SRD5A2: variants seen among roughly 807,000 people sequenced by gnomAD.
The protein encoded by SRD5A2 is steroid 5 alpha-reductase 2.
Under a neutral mutation model 27.4 loss-of-function variants are expected in SRD5A2, and 30 were observed. That is an observed-to-expected ratio of 1.10 (90% CI 0.82 to 1.49). The LOEUF is 1.49. SRD5A2 is among the 40% of genes most tolerant of loss of function. The pLI, the probability that SRD5A2 is intolerant of heterozygous loss-of-function variation, is 0.00. For synonymous variants in SRD5A2, 141 were observed against 133.6 expected (o/e 1.06, Z -0.38); for missense variants, 348 against 323.4 (o/e 1.08, Z -0.58).
At chr2:31,642,039 G>A in the SRD5A2 span, among the ~76,000 whole-genome samples, 1 of 152,034 alleles carries the variant, frequency 6.6e-6, no homozygotes, top group Non-Finnish European at 1.5e-5. Flanking sequence ...TATGGTATTG[G>A]TGAAAAGATA....
chr2:31,622,063 T>C, the SRD5A2 span, among the ~76,000 whole-genome samples: 1 of 152,224 alleles, frequency 6.6e-6, no homozygotes, highest in South Asian at 2.1e-4. Context: ...GATTATCCCA[T>C]CACCTAGGTA....
the SRD5A2 span, among the ~76,000 whole-genome samples, chr2:31,640,646 G>T: frequency 6.6e-6 from 1 of 152,150 alleles, no homozygotes; most frequent in African/African-American, 2.4e-5. Flanking sequence ...AGTGTGGAAA[G>T]GCTGACCAGG....
the SRD5A2 span, among the ~76,000 whole-genome samples, chr2:31,605,917 A>G: frequency 1.3e-5 from 2 of 151,936 alleles, no homozygotes; most frequent in African/African-American, 4.8e-5. Context: ...TTAATAGATG[A>G]ATTAATAAAG....
At chr2:31,529,263 G>T (rs1558355756) in intron 4 of SRD5A2, 44 bp downstream of exon 4, 2 of 1,610,634 alleles carry the variant, frequency 1.2e-6, no homozygotes, top group Non-Finnish European at 1.7e-6. Flanking sequence ...GTTTGGAGAA[G>T]AAGAAAGCTA....
Position 31,525,082 on chromosome 2 carries a change from A to G in SRD5A2, c.*1114T>C, listed in dbSNP as rs568225851. On this transcript the variant is annotated 3_prime_UTR_variant, in exon 5 of 5. Transcript: ENST00000622030. ...ACTATATGTCTGAGCCAAACAAAACAGGTTTTCTGCCCAGACGTGCCCCTC... is the reference window on the plus strand; with the variant it reads ...ACTATATGTCTGAGCCAAACAAAACGGGTTTTCTGCCCAGACGTGCCCCTC... The G allele has an allele frequency of 4.6e-6, 1 of 218,166 alleles. No homozygotes were observed. The highest frequency in any genetic ancestry group is 2.2e-5 in the African/African-American group (1 of 44,614). The allele number at this position is 218,166 out of a possible 1,614,324, so 13.5% of individuals were successfully genotyped here. A position where few individuals can be genotyped will look rare whatever the true frequency, so the allele number is the denominator to read the frequency against.
chr2:31,603,472 G>A, the SRD5A2 span, among the ~76,000 whole-genome samples: 1 of 152,106 alleles, frequency 6.6e-6, no homozygotes, highest in East Asian at 1.9e-4. Flanking sequence ...AACCATTGTG[G>A]AAGACAGTGT....
rs144538106 is a variant in SRD5A2, at chr2:31,522,587, A to C, written c.*3609T>G. ...CAATGCAAATAACACAGAACTCTTT[A>C]AGATCACAACTCCATGGACTTGTAC... On this transcript the variant is annotated 3_prime_UTR_variant, in exon 5 of 5. Coordinates refer to ENST00000622030, the MANE Select transcript of SRD5A2 (RefSeq NM_000348.4). The C allele has an allele frequency of 2.8e-4, 59 of 208,574 alleles. No individual in the cohort carries two copies. In the East Asian group the frequency reaches 4.3e-3, roughly 15 times the overall value. The allele number at this position is 208,574 out of a possible 1,614,324, so 12.9% of individuals were successfully genotyped here.
rs376194112 is a variant in SRD5A2 at position 31,541,002 on chromosome 2, C to A, written c.282-7236G>T. On this transcript the variant is annotated intron_variant, in intron 1 of 4. Transcript: ENST00000622030. ...CCTCCCCATCCAGCTGAAATGACTTCCAGAGATTTAAAGGGCTGGCACCCT... is the reference window on the plus strand; with the variant it reads ...CCTCCCCATCCAGCTGAAATGACTTACAGAGATTTAAAGGGCTGGCACCCT... 1.1e-4 allele frequency among the ~76,000 whole-genome samples: 16 copies of A among 152,274 alleles called. No individual in the cohort carries two copies. In the South Asian group the frequency reaches 3.3e-3, roughly 32 times the overall value.
chr2:31,554,756 A>C (rs76817682), intron 1 of SRD5A2, among the ~76,000 whole-genome samples: 2 of 152,182 alleles, frequency 1.3e-5, no homozygotes, highest in African/African-American at 4.8e-5. Context: ...TGCTTTAAAC[A>C]TTCCTTCCAT....
chr2:31,559,188 C>G (rs1666563534), intron 1 of SRD5A2, among the ~76,000 whole-genome samples: 1 of 152,144 alleles, frequency 6.6e-6, no homozygotes, highest in Non-Finnish European at 1.5e-5. Flanking sequence ...TGTGTGATCT[C>G]CAGGCTGCAA....
At chr2:31,537,074 G>A (rs959334267) in intron 1 of SRD5A2, among the ~76,000 whole-genome samples, 31 of 152,150 alleles carry the variant, frequency 2.0e-4, no homozygotes, top group Non-Finnish European at 3.5e-4. Context: ...ATCTTGCATA[G>A]ACCAACTCAT....
intron 1 of SRD5A2, among the ~76,000 whole-genome samples, chr2:31,574,460 T>A (rs1450246485): frequency 6.6e-6 from 1 of 152,218 alleles, no homozygotes; most frequent in African/African-American, 2.4e-5. Flanking sequence ...TTAAATTAGA[T>A]TTTAAATGGA....
At chr2:31,657,812 T>C in the SRD5A2 span, among the ~76,000 whole-genome samples, 1 of 152,078 alleles carries the variant, frequency 6.6e-6, no homozygotes, top group Non-Finnish European at 1.5e-5. Flanking sequence ...ACCAACAGCC[T>C]CTGCCACAAC....
intron 4 of SRD5A2, among the ~76,000 whole-genome samples, chr2:31,527,241 C>A (rs1240592208): frequency 6.6e-6 from 1 of 152,168 alleles, no homozygotes; most frequent in Non-Finnish European, 1.5e-5. Context: ...AGTTGCCAGG[C>A]TGTCTTCCTA....
At chr2:31,644,390 T>C in the SRD5A2 span, among the ~76,000 whole-genome samples, 1 of 152,168 alleles carries the variant, frequency 6.6e-6, no homozygotes, top group Admixed American at 6.5e-5. Context: ...GGAATACCTA[T>C]AAAGCGTTGG....
intron 1 of SRD5A2, among the ~76,000 whole-genome samples, chr2:31,541,142 T>G (rs1457818758): frequency 6.6e-6 from 1 of 152,118 alleles, no homozygotes; most frequent in East Asian, 1.9e-4. Context: ...TTAACACACA[T>G]GACCACAGAA....
chr2:31,652,734 C>T, the SRD5A2 span, among the ~76,000 whole-genome samples: 1 of 152,044 alleles, frequency 6.6e-6, no homozygotes, highest in Admixed American at 6.6e-5. Context: ...TCCAGAAGTG[C>T]CAAACTTAAT....
Position 31,568,761 on chromosome 2 carries a change from C to A in SRD5A2, c.281+11859G>T, listed in dbSNP as rs113544425. On this transcript the variant is annotated intron_variant, in intron 1 of 4. Transcript: ENST00000622030. ...CCCAGGCTGTTAGTGCCAAGGGGTG[C>A]TTGCAAGCCTGCACTAAGCCACCCT... Among the ~76,000 whole-genome samples the A allele has an allele frequency of 6.1e-3, 933 of 152,296 alleles. 10 individuals are homozygous for A. Among genetic ancestry groups the A allele is most frequent in the African/African-American group, 0.021 (882 of 41,568 alleles).
At chr2:31,653,537 C>T in the SRD5A2 span, among the ~76,000 whole-genome samples, 6 of 152,044 alleles carry the variant, frequency 3.9e-5, no homozygotes, top group Admixed American at 2.6e-4. Flanking sequence ...TCTGTATGCA[C>T]CCTGAATGAT....
Sources: allele counts gnomAD v4.1 joint callset (sites outside exome capture counted in the v4.1 genomes callset), GRCh38; gene constraint gnomAD v4.1.1; transcripts MANE v1.5; gene names NCBI Gene and HGNC (gene_info 2026-07-23, HGNC 2026-07-21).